BRF1: variants seen among roughly 807,000 people sequenced by gnomAD.
BRF1 encodes transcription factor IIIB 90 kDa subunit.
BRF1 carries 59 observed loss-of-function variants against 81.7 expected under a neutral mutation model. That is an observed-to-expected ratio of 0.72 (90% confidence interval 0.59 to 0.90). BRF1 has a LOEUF of 0.90. Ranked by LOEUF, BRF1 falls within the 40% of genes least tolerant of loss-of-function variation. The pLI is 0.00. For synonymous variants in BRF1, 491 were observed against 395.6 expected, an observed-to-expected ratio of 1.24 and a Z score of -2.86; for missense variants, 1,050 against 936.3, an observed-to-expected ratio of 1.12 and a Z score of -1.58.
chr14:105,250,910 A>G, intron 5 of BRF1: 1 of 545,066 alleles, frequency 1.8e-6, no homozygotes, highest in Non-Finnish European at 3.3e-6. Context: ...ACGGCTCAAG[A>G]CAGGCCCCAG....
chr14:105,222,896 G>A (rs1892519814), intron 10 of BRF1, among the ~76,000 whole-genome samples: 1 of 152,160 alleles, frequency 6.6e-6, no homozygotes, highest in Non-Finnish European at 1.5e-5. Context: ...CCAAAGTGCT[G>A]GGATTACAGG....
chr14:105,222,829 T>C (rs962449585), intron 10 of BRF1, among the ~76,000 whole-genome samples: 1 of 152,058 alleles, frequency 6.6e-6, no homozygotes, highest in African/African-American at 2.4e-5. Flanking sequence ...GGGGTTTCAC[T>C]GTGTTAGCCA....
At chr14:105,247,488 T>C (rs1241619550) in intron 5 of BRF1, 2 of 985,310 alleles carry the variant, frequency 2.0e-6, no homozygotes, top group East Asian at 1.1e-4. Flanking sequence ...TCCTGACTTG[T>C]AGTTGCTCCT....
chr14:105,228,953 G>C (rs777038454), intron 6 of BRF1, 40 bp from the exon 7 acceptor site: 1 of 1,590,452 alleles, frequency 6.3e-7, no homozygotes, highest in African/African-American at 1.3e-5. Flanking sequence ...CCACGGCTGG[G>C]AACCAGGGCA....
chr14:105,241,719 C>T, intron 5 of BRF1: 1 of 447,006 alleles, frequency 2.2e-6, no homozygotes, highest in South Asian at 2.3e-5. Context: ...ACCCAGCAGC[C>T]TTCCCTCCAG....
chr14:105,251,950 C>T (rs982648952), intron 5 of BRF1, among the ~76,000 whole-genome samples: 2 of 152,036 alleles, frequency 1.3e-5, no homozygotes, highest in Non-Finnish European at 2.9e-5. Context: ...TCCACAAACT[C>T]GCACACAACA....
intron 3 of BRF1, among the ~76,000 whole-genome samples, chr14:105,259,716 C>T (rs921494717): frequency 6.6e-6 from 1 of 152,174 alleles, no homozygotes; most frequent in Admixed American, 6.5e-5. Context: ...TGAGACCAGC[C>T]TGGCCTACAC....
chr14:105,268,667 A>G (rs1035258052), intron 3 of BRF1, among the ~76,000 whole-genome samples: 5 of 152,220 alleles, frequency 3.3e-5, no homozygotes, highest in Admixed American at 2.6e-4. Context: ...GGTCCCACCC[A>G]TGGGCTGGAC....
rs587673120 is a variant in BRF1, at chr14:105,265,054, G to GTTTTTTT, written c.439+7660_439+7666dup. 9.2e-5 allele frequency among the ~76,000 whole-genome samples: 12 copies of GTTTTTTT among 130,140 alleles called. 1 individual carries two copies. The highest frequency in any genetic ancestry group is 1.5e-4 in the Admixed American group (2 of 13,182). The allele number at this position is 130,140 out of a possible 152,430, so 85.4% of individuals were successfully genotyped here. A position where few individuals can be genotyped will look rare whatever the true frequency, so the allele number is the denominator to read the frequency against. On this transcript the variant is annotated intron_variant, in intron 3 of 17. Transcript: ENST00000547530. ...ATAAGTTCTACTTATCCTTTTTTTTGTTTTTTTTTTGTTTGTTTGTTTTTT... is the reference window on the plus strand; with the variant it reads ...ATAAGTTCTACTTATCCTTTTTTTTGTTTTTTTTTTTTTTTTTGTTTGTTTGTTTTTT...
chr14:105,265,054 G>GTTTTTTTTTTTTTTTTTTTTTT lies in BRF1; in HGVS notation c.439+7666_439+7667insAAAAAAAAAAAAAAAAAAAAAA, dbSNP rs587673120. 3.8e-5 allele frequency among the ~76,000 whole-genome samples: 5 copies of GTTTTTTTTTTTTTTTTTTTTTT among 130,110 alleles called. 1 individual carries two copies. Among genetic ancestry groups the GTTTTTTTTTTTTTTTTTTTTTT allele is most frequent in the Non-Finnish European group, 6.5e-5 (4 of 61,310 alleles). 85.4% of individuals were successfully genotyped at this position (130,110 alleles called of 152,430 possible). On this transcript the variant is annotated intron_variant, in intron 3 of 17. Coordinates refer to ENST00000547530, the MANE Select transcript of BRF1 (RefSeq NM_001519.4). ...ATAAGTTCTACTTATCCTTTTTTTT[G>GTTTTTTTTTTTTTTTTTTTTTT]TTTTTTTTTTGTTTGTTTGTTTTTT...
upstream of BRF1, among the ~76,000 whole-genome samples, chr14:105,304,521 A>G (rs933589397): frequency 1.3e-5 from 2 of 152,126 alleles, no homozygotes; most frequent in African/African-American, 2.4e-5. Context: ...ATAAAATATA[A>G]AAAAGGGTGA....
intron 15 of BRF1, chr14:105,217,321 G>T: frequency 1.5e-6 from 1 of 678,168 alleles, no homozygotes; most frequent in Non-Finnish European, 2.4e-6. Flanking sequence ...CCCCCTGACA[G>T]CTGGACCCGC....
At chr14:105,275,925 C>G (rs961115324) in intron 2 of BRF1, among the ~76,000 whole-genome samples, 77 of 147,190 alleles carry the variant, frequency 5.2e-4, no homozygotes, top group African/African-American at 1.5e-3. Context: ...AGCTGAGAGG[C>G]GGCCCTCACT....
chr14:105,248,319 G>C (rs182011505), intron 5 of BRF1: 3 of 985,436 alleles, frequency 3.0e-6, no homozygotes, highest in African/African-American at 1.7e-5. Context: ...CTAACCAAAA[G>C]ATCGCTAACT....
intron 15 of BRF1, among the ~76,000 whole-genome samples, chr14:105,214,556 C>G (rs900528058): frequency 7.6e-6 from 1 of 132,430 alleles, no homozygotes; most frequent in Non-Finnish European, 1.7e-5. Flanking sequence ...CCTGAGTGGC[C>G]CAGCTCAGGT....
chr14:105,229,033 T>A, intron 6 of BRF1, 120 bp from the exon 7 acceptor site: 1 of 892,786 alleles, frequency 1.1e-6, no homozygotes. Flanking sequence ...AAGACGTGTC[T>A]GTGCCAGGCA....
chr14:105,221,590 C>T, intron 11 of BRF1, 58 bp downstream of exon 11: 1 of 1,569,790 alleles, frequency 6.4e-7, no homozygotes, highest in Non-Finnish European at 8.6e-7. Context: ...ATGAGAGGCA[C>T]ACGCCTGAAA....
intron 6 of BRF1, among the ~76,000 whole-genome samples, chr14:105,240,851 C>A (rs2054542833): frequency 7.6e-6 from 1 of 131,214 alleles, no homozygotes; most frequent in Non-Finnish European, 1.6e-5. Context: ...GCGTAGTCGC[C>A]CAGCTGGGGG....
chr14:105,247,145 C>T (rs2055177309), intron 5 of BRF1: 1 of 985,358 alleles, frequency 1.0e-6, no homozygotes, highest in African/African-American at 1.7e-5. Flanking sequence ...CAGTGGGGTC[C>T]CACACTATGA....
Sources: allele counts gnomAD v4.1 joint callset (sites outside exome capture counted in the v4.1 genomes callset), GRCh38; gene constraint gnomAD v4.1.1; transcripts MANE v1.5; gene names NCBI Gene and HGNC (gene_info 2026-07-23, HGNC 2026-07-21).